RABEP1: variants seen among roughly 807,000 people sequenced by gnomAD.
The protein encoded by RABEP1 is rab GTPase-binding effector protein 1.
Under a neutral mutation model 123.4 loss-of-function variants are expected in RABEP1, and 51 were observed. That is an observed-to-expected ratio of 0.41 (90% CI 0.33 to 0.52). RABEP1 has a LOEUF of 0.52. Ranked by LOEUF, RABEP1 falls within the 20% of genes least tolerant of loss-of-function variation. The pLI is 0.16. For synonymous variants in RABEP1, 347 were observed against 355.2 expected (o/e 0.98, Z 0.26); for missense variants, 888 against 996.3 (o/e 0.89, Z 1.46).
chr17:5,382,517 CAT>C (rs749635767), intron 17 of RABEP1, among the ~76,000 whole-genome samples: 72 of 150,918 alleles, frequency 4.8e-4, no homozygotes, highest in Non-Finnish European at 9.4e-4. Flanking sequence ...GGGAGGCTGA[CAT>C]GGATGGATTA....
intron 2 of RABEP1, among the ~76,000 whole-genome samples, chr17:5,312,878 G>A (rs1228799798): frequency 6.6e-6 from 1 of 152,144 alleles, no homozygotes; most frequent in Non-Finnish European, 1.5e-5. Flanking sequence ...AGGCTGAGGC[G>A]GGTGGATCAC....
intron 2 of RABEP1, among the ~76,000 whole-genome samples, chr17:5,311,431 T>C (rs2075239262): frequency 6.6e-6 from 1 of 152,086 alleles, no homozygotes; most frequent in Non-Finnish European, 1.5e-5. Flanking sequence ...GCACGGTGGC[T>C]GACACCTGTA....
chr17:5,328,645 TAAAAAAAA>T (rs60062792), intron 2 of RABEP1, among the ~76,000 whole-genome samples: 1 of 54,104 alleles, frequency 1.8e-5, no homozygotes, highest in Non-Finnish European at 3.2e-5. Context: ...GACGCTGTGT[TAAAAAAAA>T]AAAAAAAAAA....
chr17:5,298,001 T>C (rs2075099190), intron 1 of RABEP1, among the ~76,000 whole-genome samples: 1 of 152,338 alleles, frequency 6.6e-6, no homozygotes, highest in East Asian at 1.9e-4. Context: ...GTTCTTGTGT[T>C]CCCTTCCTGA....
At chr17:5,361,721 C>T in intron 9 of RABEP1, 46 bp downstream of exon 9, 2 of 1,449,286 alleles carry the variant, frequency 1.4e-6, no homozygotes, top group African/African-American at 1.4e-5. Context: ...CGCTGAGGCA[C>T]ACTGGGAAGC....
At chr17:5,287,271 T>C (rs1045767942) in intron 1 of RABEP1, among the ~76,000 whole-genome samples, 4 of 152,078 alleles carry the variant, frequency 2.6e-5, no homozygotes, top group African/African-American at 7.2e-5. Flanking sequence ...TGGGCCAAAG[T>C]GCTGGGATTA....
intron 11 of RABEP1, among the ~76,000 whole-genome samples, chr17:5,367,750 TTC>T (rs1910181542): frequency 6.6e-6 from 1 of 150,882 alleles, no homozygotes; most frequent in African/African-American, 2.4e-5. Flanking sequence ...AAATAAAATT[TTC>T]TCTCTTTTTT....
At chr17:5,294,421 A>G (rs2075061189) in intron 1 of RABEP1, among the ~76,000 whole-genome samples, 1 of 152,052 alleles carries the variant, frequency 6.6e-6, no homozygotes, top group Non-Finnish European at 1.5e-5. Flanking sequence ...TACAAATTAA[A>G]AAATGCAGTA....
At position 5,299,507 on chromosome 17, in the gene RABEP1, G is replaced by C. The variant is rs189729807; in HGVS notation, c.35-9187G>C. On this transcript the variant is annotated intron_variant, in intron 1 of 17. Coordinates refer to ENST00000537505, the MANE Select transcript of RABEP1 (RefSeq NM_004703.6). ...TATTATGGAAGTTAGTTTTGGTACTGAGCGGTAAGCTAATGAGTCCCTAGG... is the reference window on the plus strand; with the variant it reads ...TATTATGGAAGTTAGTTTTGGTACTCAGCGGTAAGCTAATGAGTCCCTAGG... Among the ~76,000 whole-genome samples the C allele has an allele frequency of 2.6e-5, 4 of 151,440 alleles. No homozygotes were observed. The East Asian group carries it at 7.7e-4, about 29-fold the overall frequency.
rs1257597131 is a variant in RABEP1, at chr17:5,383,885, C to G, written c.*662C>G. The G allele has an allele frequency of 2.2e-5, 5 of 223,202 alleles. No homozygotes were observed. The highest frequency in any genetic ancestry group is 1.1e-4 in the African/African-American group (5 of 44,742). 13.8% of individuals were successfully genotyped at this position (223,202 alleles called of 1,614,324 possible). ...TGAGGATCTGAAAACTTGGCTGGGG[C>G]TATATATACTGGAAGTTGAAGGTTA... On this transcript the variant is annotated 3_prime_UTR_variant, in exon 18 of 18. Transcript: ENST00000537505.
At position 5,343,670 on chromosome 17, in the gene RABEP1, C is replaced by CTTTTTTT. The variant is rs753410845; in HGVS notation, c.649-3103_649-3097dup. 1.7e-3 allele frequency among the ~76,000 whole-genome samples: 173 copies of CTTTTTTT among 99,884 alleles called. 3 individuals are homozygous for CTTTTTTT. The highest frequency in any genetic ancestry group is 3.4e-3 in the African/African-American group (88 of 25,706). The allele number at this position is 99,884 out of a possible 152,430, so 65.5% of individuals were successfully genotyped here. On this transcript the variant is annotated intron_variant, in intron 5 of 17. Coordinates refer to ENST00000537505, the MANE Select transcript of RABEP1 (RefSeq NM_004703.6). The stretch of plus-strand genomic sequence containing the variant: ...AAAAAGATTTCTTTCTTTCTTTTCT[C>CTTTTTTT]TTTTTTTTTTTTTTTTTTTTTTTGA...
intron 11 of RABEP1, 149 bp from the exon 12 acceptor site, chr17:5,368,221 G>C: frequency 1.6e-6 from 1 of 615,082 alleles, no homozygotes. Context: ...GCACATAGCA[G>C]ATGTGCATGC....
intron 10 of RABEP1, among the ~76,000 whole-genome samples, chr17:5,364,065 G>A (rs1336735435): frequency 6.6e-6 from 1 of 152,194 alleles, no homozygotes; most frequent in Non-Finnish European, 1.5e-5. Context: ...AAATGTCATT[G>A]CTATTGAGTT....
chr17:5,382,583 CT>C (rs1911569020), intron 17 of RABEP1, among the ~76,000 whole-genome samples: 1 of 151,716 alleles, frequency 6.6e-6, no homozygotes, highest in Non-Finnish European at 1.5e-5. Context: ...GAAACCCCGT[CT>C]CTACTTAAAA....
chr17:5,362,625 C>T (rs1393895199), intron 9 of RABEP1, among the ~76,000 whole-genome samples: 2 of 152,116 alleles, frequency 1.3e-5, no homozygotes, highest in African/African-American at 4.8e-5. Context: ...AGTATTATAC[C>T]ATGAGTGCCA....
intron 2 of RABEP1, among the ~76,000 whole-genome samples, chr17:5,322,372 AAAGAC>A (rs1793509657): frequency 6.6e-6 from 1 of 152,122 alleles, no homozygotes; most frequent in Admixed American, 6.5e-5. Context: ...AAAAAAAAGA[AAAGAC>A]CGTAAAAAGA....
intron 1 of RABEP1, among the ~76,000 whole-genome samples, chr17:5,297,569 T>C (rs2075095232): frequency 6.6e-6 from 1 of 152,216 alleles, no homozygotes; most frequent in Non-Finnish European, 1.5e-5. Context: ...ATAGGTTAGC[T>C]TAATCTTAGA....
Position 5,319,158 on chromosome 17 carries a change from C to T in RABEP1, c.163+10336C>T, listed in dbSNP as rs188665998. ...CATCCTGGCCAACATGGTGAAACCC[C>T]GTCTCTGCTAAAATACAAAAAATTA... is the stretch of plus-strand genomic sequence containing the variant. On this transcript the variant is annotated intron_variant, in intron 2 of 17. Coordinates refer to ENST00000537505, the MANE Select transcript of RABEP1 (RefSeq NM_004703.6). Among the ~76,000 whole-genome samples, 247 of 151,722 alleles carry T rather than the reference C, an allele frequency of 1.6e-3. 4 individuals carry two copies. The highest frequency in any genetic ancestry group is 0.015 in the Admixed American group (235 of 15,224).
At chr17:5,374,819 T>G (rs897029145) in intron 13 of RABEP1, among the ~76,000 whole-genome samples, 6 of 152,054 alleles carry the variant, frequency 3.9e-5, no homozygotes, top group Non-Finnish European at 8.8e-5. Context: ...TTTAAAATAT[T>G]TTTTAGTAGA....
Sources: allele counts gnomAD v4.1 joint callset (sites outside exome capture counted in the v4.1 genomes callset), GRCh38; gene constraint gnomAD v4.1.1; transcripts MANE v1.5; gene names NCBI Gene and HGNC (gene_info 2026-07-23, HGNC 2026-07-21).